The following LRP1B variants were observed in gnomAD, a reference collection of about 807,000 sequenced individuals.
LRP1B encodes LDL receptor related protein 1B.
In LRP1B, 217 loss-of-function variants were observed where a neutral mutation model predicts 556.6. The observed-to-expected ratio is 0.39, with a 90% confidence interval of 0.35 to 0.44. LRP1B has a LOEUF of 0.44. Among genes scored for constraint, LRP1B ranks in the 20% least tolerant of loss-of-function variants. LRP1B has a pLI of 1.00. For synonymous variants in LRP1B, 2,047 were observed against 1,865.8 expected (o/e 1.10, Z -2.50); for missense variants, 5,053 against 5,620.8 (o/e 0.90, Z 3.23).
chr2:141,322,937 C>T (rs932680421), intron 3 of LRP1B, among the ~76,000 whole-genome samples: 1 of 152,060 alleles, frequency 6.6e-6, no homozygotes, highest in Non-Finnish European at 1.5e-5. Flanking sequence ...TACATATTAT[C>T]TGAGCTTGAA....
chr2:140,505,537 G>A (rs1689373122), intron 53 of LRP1B, among the ~76,000 whole-genome samples: 1 of 152,102 alleles, frequency 6.6e-6, no homozygotes, highest in African/African-American at 2.4e-5. Context: ...ATTCATCTGT[G>A]ACTTTTCCAA....
At chr2:142,103,747 A>C (rs1284953591) in intron 1 of LRP1B, among the ~76,000 whole-genome samples, 1 of 151,774 alleles carries the variant, frequency 6.6e-6, no homozygotes, top group Non-Finnish European at 1.5e-5. Context: ...AGAATAGCAG[A>C]ATATTTTAAG....
chr2:141,226,115 T>G (rs775203960), intron 6 of LRP1B, among the ~76,000 whole-genome samples: 2 of 32,444 alleles, frequency 6.2e-5, no homozygotes, highest in Admixed American at 1.1e-3. Context: ...GAGTCTCAAT[T>G]TTCCCCCCCA....
chr2:140,960,283 T>C (rs1182209695), intron 18 of LRP1B, among the ~76,000 whole-genome samples: 1 of 151,864 alleles, frequency 6.6e-6, no homozygotes, highest in Non-Finnish European at 1.5e-5. Context: ...CAGCTTTGGT[T>C]ATTACATCAA....
At chr2:141,135,828 C>A (rs1701478418) in intron 7 of LRP1B, among the ~76,000 whole-genome samples, 1 of 151,864 alleles carries the variant, frequency 6.6e-6, no homozygotes, top group East Asian at 1.9e-4. Context: ...CAGGGCTGTA[C>A]TTTCCCCCAC....
intron 2 of LRP1B, among the ~76,000 whole-genome samples, chr2:141,713,932 A>G (rs1385697265): frequency 6.6e-6 from 1 of 152,172 alleles, no homozygotes; most frequent in African/African-American, 2.4e-5. Context: ...GTTGGCACCC[A>G]GATCTGCCAA....
chr2:142,029,326 T>C (rs1408714442), intron 1 of LRP1B, among the ~76,000 whole-genome samples: 1 of 151,856 alleles, frequency 6.6e-6, no homozygotes, highest in Non-Finnish European at 1.5e-5. Flanking sequence ...AATACTTAAT[T>C]CTGGTGAGAA....
intron 6 of LRP1B, among the ~76,000 whole-genome samples, chr2:141,189,061 C>T (rs967341061): frequency 6.6e-6 from 1 of 151,796 alleles, no homozygotes; most frequent in East Asian, 1.9e-4. Flanking sequence ...TATAAGATTC[C>T]TTTGTTTGAA....
chr2:141,173,237 A>C (rs1011017753), intron 7 of LRP1B, among the ~76,000 whole-genome samples: 1 of 152,026 alleles, frequency 6.6e-6, no homozygotes, highest in Non-Finnish European at 1.5e-5. Context: ...CAAAATATCC[A>C]TTAGGAAGAA....
At chr2:140,342,675 G>A (rs1343090643) in intron 77 of LRP1B, among the ~76,000 whole-genome samples, 6 of 151,466 alleles carry the variant, frequency 4.0e-5, no homozygotes, top group Admixed American at 1.3e-4. Context: ...TCACGTATAC[G>A]TTTTGAGAGT....
At chr2:142,018,786 G>T (rs1278365692) in intron 1 of LRP1B, among the ~76,000 whole-genome samples, 1 of 148,444 alleles carries the variant, frequency 6.7e-6, no homozygotes, top group African/African-American at 2.5e-5. Context: ...CCTGACTTAC[G>T]CTTTTTTTTT....
intron 1 of LRP1B, among the ~76,000 whole-genome samples, chr2:142,114,491 A>G: frequency 6.6e-6 from 1 of 152,212 alleles, no homozygotes; most frequent in East Asian, 1.9e-4. Flanking sequence ...AGCACTATTC[A>G]TAACAGCCAA....
At chr2:140,322,701 T>A (rs1043221375) in intron 81 of LRP1B, among the ~76,000 whole-genome samples, 2 of 152,046 alleles carry the variant, frequency 1.3e-5, no homozygotes, top group African/African-American at 4.8e-5. Flanking sequence ...TAAATTTTTA[T>A]CCAATCAGCA....
intron 79 of LRP1B, 129 bp downstream of exon 79, chr2:140,334,324 A>G (rs1323312954): frequency 4.8e-6 from 3 of 619,464 alleles, no homozygotes; most frequent in South Asian, 1.9e-5. Context: ...ATAACTTCAT[A>G]AAATCATACT....
intron 84 of LRP1B, among the ~76,000 whole-genome samples, chr2:140,274,978 A>G (rs532037392): frequency 6.6e-6 from 1 of 152,080 alleles, no homozygotes; most frequent in South Asian, 2.1e-4. Flanking sequence ...CCTCCTTCAC[A>G]CCTCTTTTCA....
intron 31 of LRP1B, among the ~76,000 whole-genome samples, chr2:140,827,465 C>A: frequency 6.6e-6 from 1 of 151,646 alleles, no homozygotes; most frequent in Admixed American, 6.6e-5. Flanking sequence ...AAGTGAGAAA[C>A]AAGTTTCCTG....
chr2:141,146,432 C>T (rs1353551143), intron 7 of LRP1B, among the ~76,000 whole-genome samples: 1 of 152,100 alleles, frequency 6.6e-6, no homozygotes, highest in African/African-American at 2.4e-5. Flanking sequence ...TTAATACAAA[C>T]CTATATTACC....
intron 10 of LRP1B, among the ~76,000 whole-genome samples, chr2:141,054,698 A>T (rs1574026801): frequency 2.6e-5 from 4 of 151,964 alleles, no homozygotes; most frequent in Admixed American, 6.6e-5. Context: ...CTCCCCAGTG[A>T]TGCTGGATAA....
At chr2:141,815,786 A>T (rs1042966708) in intron 1 of LRP1B, among the ~76,000 whole-genome samples, 4 of 152,024 alleles carry the variant, frequency 2.6e-5, no homozygotes, top group African/African-American at 9.7e-5. Flanking sequence ...TTAACAATAA[A>T]CCTTGCTACC....
Sources: allele counts gnomAD v4.1 joint callset (sites outside exome capture counted in the v4.1 genomes callset), GRCh38; gene constraint gnomAD v4.1.1; transcripts MANE v1.5; gene names NCBI Gene and HGNC (gene_info 2026-07-23, HGNC 2026-07-21).